The following CYTH3 variants were observed in gnomAD, a reference collection of about 807,000 sequenced individuals.
CYTH3 encodes the protein cytohesin-3.
In CYTH3, 23 loss-of-function variants were observed where a neutral mutation model predicts 55.1. That is an observed-to-expected ratio of 0.42 (90% CI 0.30 to 0.59). The LOEUF (loss-of-function observed/expected upper bound fraction) is 0.59, where lower values mean the gene tolerates loss of function less well. Among genes scored for constraint, CYTH3 ranks in the 20% least tolerant of loss-of-function variants. The pLI is 0.20. For synonymous variants in CYTH3, 249 were observed against 194.9 expected (o/e 1.28, Z -2.31); for missense variants, 413 against 524.8 (o/e 0.79, Z 2.08).
chr7:6,207,995 T>C (rs1784234798), intron 1 of CYTH3, among the ~76,000 whole-genome samples: 1 of 151,924 alleles, frequency 6.6e-6, no homozygotes, highest in African/African-American at 2.4e-5. Context: ...AAAAAACGAT[T>C]AATAACTGTT....
chr7:6,189,304 T>C (rs1353080570), intron 2 of CYTH3, among the ~76,000 whole-genome samples: 1 of 152,164 alleles, frequency 6.6e-6, no homozygotes, highest in Admixed American at 6.5e-5. Context: ...GTGTTTTTAT[T>C]TGTCTTTACT....
At chr7:6,254,230 A>G (rs188826315) in intron 1 of CYTH3, among the ~76,000 whole-genome samples, 60 of 152,174 alleles carry the variant, frequency 3.9e-4, no homozygotes, top group Non-Finnish European at 7.2e-4. Flanking sequence ...AAAGATAACT[A>G]AATAGAAGGT....
chr7:6,211,910 C>T (rs1025445324), intron 1 of CYTH3, among the ~76,000 whole-genome samples: 5 of 152,116 alleles, frequency 3.3e-5, no homozygotes, highest in African/African-American at 1.2e-4. Flanking sequence ...CACTTGAACC[C>T]AGGAGGTGAA....
At chr7:6,174,749 G>A (rs1169649988) in intron 5 of CYTH3, among the ~76,000 whole-genome samples, 2 of 151,684 alleles carry the variant, frequency 1.3e-5, no homozygotes, top group African/African-American at 2.4e-5. Context: ...GGGTTTCACC[G>A]TGTTAGCCAG....
At chr7:6,191,650 C>T (rs1161459529) in intron 1 of CYTH3, among the ~76,000 whole-genome samples, 1 of 141,778 alleles carries the variant, frequency 7.1e-6, no homozygotes, top group Admixed American at 7.6e-5. Flanking sequence ...GGCTGGAGTG[C>T]AGTGGCACAA....
intron 1 of CYTH3, among the ~76,000 whole-genome samples, chr7:6,193,597 C>T (rs184079573): frequency 5.9e-5 from 9 of 152,274 alleles, no homozygotes; most frequent in East Asian, 3.9e-4. Flanking sequence ...ACCTAATTTA[C>T]GTGAGAGAAT....
Position 6,259,802 on chromosome 7 carries a change from TA to T in CYTH3, c.34+12671del, listed in dbSNP as rs1220014212. ...TATATATAATATATATATATATATA[TA>T]TATATATATAATATATATATATATA... On this transcript the variant is annotated intron_variant, in intron 1 of 12. Transcript: ENST00000350796. Among the ~76,000 whole-genome samples the T allele has an allele frequency of 6.8e-3, 188 of 27,750 alleles. 7 individuals carry two copies. Among genetic ancestry groups the T allele is most frequent in the Non-Finnish European group, 7.8e-3 (153 of 19,716 alleles). The allele number at this position is 27,750 out of a possible 152,430, so 18.2% of individuals were successfully genotyped here. A position where few individuals can be genotyped will look rare whatever the true frequency, so the allele number is the denominator to read the frequency against.
At chr7:6,229,105 G>A (rs1039333094) in intron 1 of CYTH3, among the ~76,000 whole-genome samples, 5 of 152,136 alleles carry the variant, frequency 3.3e-5, no homozygotes, top group African/African-American at 1.2e-4. Flanking sequence ...TGGAACAGAA[G>A]TAAAACCTGA....
intron 4 of CYTH3, among the ~76,000 whole-genome samples, chr7:6,185,985 A>C (rs1583758551): frequency 1.3e-5 from 2 of 151,664 alleles, no homozygotes; most frequent in African/African-American, 2.4e-5. Flanking sequence ...TGGCTCACGC[A>C]CATAATCCCA....
chr7:6,193,485 C>T (rs1166941438), intron 1 of CYTH3, among the ~76,000 whole-genome samples: 1 of 152,066 alleles, frequency 6.6e-6, no homozygotes. Context: ...CAGAAAGAAC[C>T]GCCACATTTT....
intron 1 of CYTH3, among the ~76,000 whole-genome samples, chr7:6,218,067 C>T (rs939033297): frequency 6.6e-6 from 1 of 151,840 alleles, no homozygotes; most frequent in Non-Finnish European, 1.5e-5. Context: ...CCTGTAGTTC[C>T]AGCTATTCAG....
chr7:6,228,545 C>T (rs1474987079), intron 1 of CYTH3, among the ~76,000 whole-genome samples: 3 of 152,090 alleles, frequency 2.0e-5, no homozygotes, highest in Admixed American at 6.5e-5. Context: ...AAAGAAACTC[C>T]CCCCAGATGA....
intron 1 of CYTH3, among the ~76,000 whole-genome samples, chr7:6,253,216 A>AT (rs35516602): frequency 0.087 from 12,114 of 139,420 alleles, 769 homozygotes; most frequent in East Asian, 0.3. Flanking sequence ...CACGAAAACA[A>AT]TTTTTTTTTT....
chr7:6,221,885 G>A (rs946868957), intron 1 of CYTH3, among the ~76,000 whole-genome samples: 1 of 152,162 alleles, frequency 6.6e-6, no homozygotes, highest in Non-Finnish European at 1.5e-5. Flanking sequence ...CCTAGAATCC[G>A]AGGCTGCAGT....
rs529310740 is a variant in CYTH3, at chr7:6,195,983, T to A, written c.35-5452A>T. 2.0e-5 allele frequency among the ~76,000 whole-genome samples: 3 copies of A among 152,316 alleles called. No homozygotes were observed. The East Asian group carries it at 5.8e-4, about 29-fold the overall frequency. On this transcript the variant is annotated intron_variant, in intron 1 of 12. Coordinates refer to ENST00000350796, the MANE Select transcript of CYTH3 (RefSeq NM_004227.4). Reference sequence around the variant, plus strand: ...TGGGTGGTCTGGTAGCTCAACGATGTCATCGGTAACCCAGTCTGTTCATCC... The same window carrying A: ...TGGGTGGTCTGGTAGCTCAACGATGACATCGGTAACCCAGTCTGTTCATCC...
chr7:6,206,749 C>T (rs1784196373), intron 1 of CYTH3, among the ~76,000 whole-genome samples: 2 of 152,064 alleles, frequency 1.3e-5, no homozygotes, highest in African/African-American at 2.4e-5. Flanking sequence ...ATGCTAACTG[C>T]CCTAGGATGA....
chr7:6,244,052 G>A (rs898625433), intron 1 of CYTH3, among the ~76,000 whole-genome samples: 1 of 152,140 alleles, frequency 6.6e-6, no homozygotes, highest in Non-Finnish European at 1.5e-5. Flanking sequence ...ACCTGTACTG[G>A]TACTAAAATA....
chr7:6,250,933 T>C (rs1299185024), intron 1 of CYTH3, among the ~76,000 whole-genome samples: 1 of 152,206 alleles, frequency 6.6e-6, no homozygotes, highest in South Asian at 2.1e-4. Flanking sequence ...CAGAAATTAC[T>C]TCAGAGCACA....
At chr7:6,210,690 T>C (rs981364471) in intron 1 of CYTH3, among the ~76,000 whole-genome samples, 19 of 152,234 alleles carry the variant, frequency 1.2e-4, no homozygotes, top group African/African-American at 4.3e-4. Context: ...GTCATTTTTT[T>C]CCAAACCATT....
Sources: allele counts gnomAD v4.1 joint callset (sites outside exome capture counted in the v4.1 genomes callset), GRCh38; gene constraint gnomAD v4.1.1; transcripts MANE v1.5; gene names NCBI Gene and HGNC (gene_info 2026-07-23, HGNC 2026-07-21).